The following NPAS3 variants were observed in gnomAD, a reference collection of about 807,000 sequenced individuals.
NPAS3 encodes neuronal PAS domain protein 3.
A neutral mutation model predicts 73.1 loss-of-function variants in NPAS3; 14 were observed. The observed-to-expected ratio is 0.19, with a 90% CI of 0.13 to 0.30. The LOEUF (loss-of-function observed/expected upper bound fraction) is 0.30. Ranked by LOEUF, NPAS3 falls within the 10% of genes least tolerant of loss-of-function variation. NPAS3 has a pLI of 1.00. For missense variants in NPAS3, 1,096 were observed against 1,250.0 expected (o/e 0.88, Z 1.86); for synonymous variants, 620 against 541.5 (o/e 1.14, Z -2.01).
chr14:33,147,532 A>AGT (rs1196156161), intron 2 of NPAS3, among the ~76,000 whole-genome samples: 1 of 150,522 alleles, frequency 6.6e-6, no homozygotes, highest in Non-Finnish European at 1.5e-5. Flanking sequence ...AGTTTGGATT[A>AGT]GTGCCGCACT....
intron 4 of NPAS3, among the ~76,000 whole-genome samples, chr14:33,424,974 T>C (rs1458550001): frequency 6.6e-6 from 1 of 151,928 alleles, no homozygotes; most frequent in East Asian, 1.9e-4. Flanking sequence ...ATGCTACTAC[T>C]TAAAGATTGT....
At chr14:33,665,494 C>G (rs1235615134) in intron 5 of NPAS3, among the ~76,000 whole-genome samples, 1 of 152,010 alleles carries the variant, frequency 6.6e-6, no homozygotes, top group Admixed American at 6.6e-5. Context: ...AGACCTTTTC[C>G]GTAAAAGGTG....
intron 4 of NPAS3, among the ~76,000 whole-genome samples, chr14:33,473,573 AG>A (rs1473367627): frequency 2.0e-5 from 3 of 152,256 alleles, no homozygotes; most frequent in Non-Finnish European, 4.4e-5. Context: ...CAGAAAGCAT[AG>A]TCCTGCCCTC....
intron 2 of NPAS3, 36 bp from the exon 3 acceptor site, chr14:33,215,146 A>T: frequency 6.2e-7 from 1 of 1,606,304 alleles, no homozygotes; most frequent in Non-Finnish European, 8.5e-7. Flanking sequence ...AGAGTCACAT[A>T]TTCTAAACCA....
At chr14:33,334,328 T>TA (rs1477776730) in intron 3 of NPAS3, among the ~76,000 whole-genome samples, 2 of 152,200 alleles carry the variant, frequency 1.3e-5, no homozygotes, top group African/African-American at 4.8e-5. Flanking sequence ...ATCCAGCTTT[T>TA]AAAACACTTC....
At chr14:33,020,822 G>A (rs992809196) in intron 1 of NPAS3, among the ~76,000 whole-genome samples, 15 of 151,710 alleles carry the variant, frequency 9.9e-5, no homozygotes, top group African/African-American at 3.4e-4. Context: ...GTGCGGTGGC[G>A]TGATCTCGGA....
At chr14:33,583,767 A>G (rs564913162) in intron 5 of NPAS3, among the ~76,000 whole-genome samples, 1 of 152,368 alleles carries the variant, frequency 6.6e-6, no homozygotes, top group South Asian at 2.1e-4. Flanking sequence ...TAAAAACCTA[A>G]GTGTAGCAAT....
At chr14:33,106,817 T>C (rs1468798119) in intron 2 of NPAS3, among the ~76,000 whole-genome samples, 1 of 152,192 alleles carries the variant, frequency 6.6e-6, no homozygotes, top group African/African-American at 2.4e-5. Context: ...GAACACCACA[T>C]GATTTCCTAG....
At chr14:33,355,875 ACTG>A (rs138601937) in intron 3 of NPAS3, among the ~76,000 whole-genome samples, 14,154 of 152,102 alleles carry the variant, frequency 0.093, 789 homozygotes, top group East Asian at 0.16. Flanking sequence ...GTTCTTTCAT[ACTG>A]CTGCTTATGT....
chr14:33,441,104 A>T (rs12147066), intron 4 of NPAS3, among the ~76,000 whole-genome samples: 27,636 of 152,156 alleles, frequency 0.18, 2,808 homozygotes, highest in East Asian at 0.42. Context: ...TGTAACTTCA[A>T]TGTGCACCAG....
chr14:33,341,242 C>G (rs1205017724), intron 3 of NPAS3, among the ~76,000 whole-genome samples: 2 of 152,282 alleles, frequency 1.3e-5, no homozygotes, highest in Non-Finnish European at 2.9e-5. Context: ...CATCTCAAAA[C>G]TATACATTTT....
intron 1 of NPAS3, among the ~76,000 whole-genome samples, chr14:32,967,678 C>CA (rs1399054843): frequency 6.6e-6 from 1 of 150,592 alleles, no homozygotes; most frequent in Non-Finnish European, 1.5e-5. Flanking sequence ...ATCAAAAAGA[C>CA]AAAAAATAAC....
At chr14:33,617,920 G>C (rs2057968197) in intron 5 of NPAS3, among the ~76,000 whole-genome samples, 1 of 151,928 alleles carries the variant, frequency 6.6e-6, no homozygotes, top group Admixed American at 6.6e-5. Flanking sequence ...AAAAAAAAAT[G>C]GCTGACACTT....
At chr14:33,217,348 A>G (rs1000364533) in intron 3 of NPAS3, among the ~76,000 whole-genome samples, 11 of 152,146 alleles carry the variant, frequency 7.2e-5, no homozygotes, top group African/African-American at 2.7e-4. Context: ...AATTTTTCCA[A>G]GCTAAAGATG....
chr14:33,421,147 A>G (rs1436100799), intron 4 of NPAS3, among the ~76,000 whole-genome samples: 1 of 151,862 alleles, frequency 6.6e-6, no homozygotes, highest in Non-Finnish European at 1.5e-5. Flanking sequence ...CTGGATTTGT[A>G]TGTGTATATA....
intron 6 of NPAS3, among the ~76,000 whole-genome samples, chr14:33,726,752 T>C (rs1453518792): frequency 6.6e-6 from 1 of 152,158 alleles, no homozygotes; most frequent in East Asian, 1.9e-4. Context: ...AAAGAAAAAG[T>C]GAGCTATAGT....
At chr14:33,685,126 G>GTGTC (rs1430818381) in intron 6 of NPAS3, among the ~76,000 whole-genome samples, 1 of 152,148 alleles carries the variant, frequency 6.6e-6, no homozygotes, top group African/African-American at 2.4e-5. Context: ...TGTCCACGAC[G>GTGTC]TGTCAGACAT....
Position 33,147,730 on chromosome 14 carries a change from A to AATATATATATATAT in NPAS3, c.141-67440_141-67427dup, listed in dbSNP as rs10674790. On this transcript the variant is annotated intron_variant, in intron 2 of 11. Coordinates refer to ENST00000356141, the Ensembl canonical transcript of NPAS3. ...CCCTAGAACTTAAAGTAGAATAAAA[A>AATATATATATATAT]ATATATATATATATATATATATATA... is the stretch of plus-strand genomic sequence containing the variant. Among the ~76,000 whole-genome samples the AATATATATATATAT allele has an allele frequency of 5.3e-3, 693 of 130,228 alleles. 8 individuals carry two copies. Among genetic ancestry groups the AATATATATATATAT allele is most frequent in the African/African-American group, 0.021 (635 of 30,780 alleles). The allele number at this position is 130,228 out of a possible 152,430, so 85.4% of individuals were successfully genotyped here. A position where few individuals can be genotyped will look rare whatever the true frequency, so the allele number is the denominator to read the frequency against.
chr14:33,664,308 C>G (rs1595388771), intron 5 of NPAS3, among the ~76,000 whole-genome samples: 1 of 152,148 alleles, frequency 6.6e-6, no homozygotes, highest in South Asian at 2.1e-4. Context: ...AGAAAACCGG[C>G]TAGCCATATG....
Sources: gnomAD v4.1 joint callset for allele counts (sites outside exome capture counted in the v4.1 genomes callset) on GRCh38, gnomAD v4.1.1 for gene constraint, MANE v1.5 for transcripts, NCBI Gene and HGNC (gene_info 2026-07-23, HGNC 2026-07-21) for gene names.